Variants in TESMIN observed in about 807,000 individuals in gnomAD.
TESMIN encodes CXC domain containing 2.
TESMIN carries 34 observed loss-of-function variants against 47.4 expected under a neutral mutation model. That is an observed-to-expected ratio of 0.72 (90% CI 0.55 to 0.96). The LOEUF is 0.96. Ranked by LOEUF, TESMIN falls within the 40% of genes least tolerant of loss-of-function variation. The probability of loss-of-function intolerance (pLI) is 0.00; values close to 1 mark genes in which losing one functional copy is unlikely to be tolerated. For synonymous variants in TESMIN, 278 were observed against 258.9 expected, an observed-to-expected ratio of 1.07 and a Z score of -0.71; for missense variants, 610 against 637.2, an observed-to-expected ratio of 0.96 and a Z score of 0.46.
chr11:68,748,627 G>C (rs764234953), intron 2 of TESMIN, among the ~76,000 whole-genome samples: 1 of 152,210 alleles, frequency 6.6e-6, no homozygotes, highest in Non-Finnish European at 1.5e-5. Context: ...ATTAGCAACT[G>C]ATCCTGAATA....
At chr11:68,706,520 A>C (rs1945999756), downstream of TESMIN, among the ~76,000 whole-genome samples, 1 of 152,200 alleles carries the variant, frequency 6.6e-6, no homozygotes, top group Non-Finnish European at 1.5e-5. Flanking sequence ...TTGCCTCAGG[A>C]GAATGCTGGA....
downstream of TESMIN, among the ~76,000 whole-genome samples, chr11:68,704,868 G>A (rs549124082): frequency 2.0e-5 from 3 of 152,244 alleles, no homozygotes; most frequent in South Asian, 6.2e-4. Context: ...ATTTTTAGGA[G>A]GCTCAAACTT....
intron 6 of TESMIN, chr11:68,737,764 T>C (rs1946404318): frequency 1.2e-6 from 1 of 833,232 alleles, no homozygotes; most frequent in African/African-American, 1.8e-5. Flanking sequence ...AATACAAAAA[T>C]TAGCCTGGTA....
chr11:68,748,007 A>G (rs1426798148), intron 2 of TESMIN, among the ~76,000 whole-genome samples: 3 of 152,226 alleles, frequency 2.0e-5, no homozygotes, highest in African/African-American at 2.4e-5. Flanking sequence ...GAATGTGAGG[A>G]GGACTGGGAA....
chr11:68,732,539 C>T (rs984519918), intron 6 of TESMIN: 1 of 153,224 alleles, frequency 6.5e-6, no homozygotes, highest in Admixed American at 6.5e-5. Flanking sequence ...TGGATGCCAC[C>T]ACCTGGTCCT....
rs576986958 is a variant in TESMIN, at chr11:68,750,402, C to T, written c.259G>A (p.Asp87Asn). The T allele has an allele frequency of 1.3e-6, 2 of 1,519,648 alleles. No homozygotes were observed. The highest frequency in any genetic ancestry group is 5.0e-5 in the East Asian group (2 of 40,022). 94.1% of individuals were successfully genotyped at this position (1,519,648 alleles called of 1,614,324 possible). A position where few individuals can be genotyped will look rare whatever the true frequency, so the allele number is the denominator to read the frequency against. Residue 87 changes from aspartate to asparagine, a missense_variant, in exon 2 of 10, where the codon GAC (aspartate) becomes AAC (asparagine). By Grantham distance (23) the Asp-to-Asn change is conservative (BLOSUM62 1). Transcript: ENST00000255087. Reference protein sequence around the residue: ...GQVKAKLAGGDSDGGELLGEY... With the variant: ...GQVKAKLAGGNSDGGELLGEY... ...CCGAGGAGCTCCCCGCCGTCGCTGT[C>T]GCCCCCCGCGAGCTTCGCCTTGACC...
chr11:68,723,947 C>T lies in TESMIN; in HGVS notation c.918-8008G>A, dbSNP rs115847913. On this transcript the variant is annotated intron_variant, in intron 6 of 9. Transcript: ENST00000255087. ...AGTTTTTCAGACAAGTTTTTTCAAACGTTCAATGAACAAATAAATCCTACC... is the reference window on the plus strand; with the variant it reads ...AGTTTTTCAGACAAGTTTTTTCAAATGTTCAATGAACAAATAAATCCTACC... 4.3e-3 allele frequency among the ~76,000 whole-genome samples: 661 copies of T among 152,222 alleles called. 4 individuals are homozygous for T. The highest frequency in any genetic ancestry group is 0.015 in the African/African-American group (625 of 41,566).
chr11:68,745,316 A>G (rs938419222), intron 3 of TESMIN, among the ~76,000 whole-genome samples: 69 of 151,858 alleles, frequency 4.5e-4, no homozygotes, highest in Non-Finnish European at 2.6e-4. Context: ...AAAAAAAAAA[A>G]AAAAGAAAAA....
At chr11:68,728,867 T>C (rs1474892937) in intron 6 of TESMIN, among the ~76,000 whole-genome samples, 1 of 152,214 alleles carries the variant, frequency 6.6e-6, no homozygotes, top group Non-Finnish European at 1.5e-5. Context: ...ATATTTTAAG[T>C]CCACCGTGAA....
At chr11:68,739,952 T>C (rs561826936) in intron 5 of TESMIN, among the ~76,000 whole-genome samples, 1 of 152,364 alleles carries the variant, frequency 6.6e-6, no homozygotes, top group Admixed American at 6.5e-5. Context: ...ATTACTTTTT[T>C]TCCCCCTTTG....
intron 6 of TESMIN, chr11:68,737,393 A>G: frequency 2.0e-6 from 2 of 985,548 alleles, no homozygotes; most frequent in Non-Finnish European, 1.2e-6. Context: ...TTCAGCGACC[A>G]TGAGGGCTGA....
At position 68,713,204 on chromosome 11, in the gene TESMIN, C is replaced by T. The variant is rs563207311; in HGVS notation, c.1158+66G>A. Reference sequence around the variant, plus strand: ...TTAAATTACAGCAAAGTTTTTTTAACCACAAAAGTTACTCAACATATTTAC... The same window carrying T: ...TTAAATTACAGCAAAGTTTTTTTAATCACAAAAGTTACTCAACATATTTAC... On this transcript the variant is annotated intron_variant, in intron 8 of 9. Coordinates refer to ENST00000255087, the MANE Select transcript of TESMIN (RefSeq NM_004923.3). 46 of 1,478,384 alleles carry T rather than the reference C, an allele frequency of 3.1e-5. No individual in the cohort carries two copies. The South Asian group carries it at 6.1e-4, about 20-fold the overall frequency. The allele number at this position is 1,478,384 out of a possible 1,614,324, so 91.6% of individuals were successfully genotyped here. A position where few individuals can be genotyped will look rare whatever the true frequency, so the allele number is the denominator to read the frequency against.
In TESMIN at chr11:68,750,550, G is replaced by A. The variant is rs761617352; in HGVS notation, c.111C>T (p.Ala37=). The part of the protein sequence containing the change: ...PFASENIGLK[A]PVKYEEDEFH... ...ACTCGTCCTCCTCGTACTTCACGGGGGCCTTCAGGCCGATGTTCTCCGAAG... is the reference window on the plus strand; with the variant it reads ...ACTCGTCCTCCTCGTACTTCACGGGAGCCTTCAGGCCGATGTTCTCCGAAG... Residue 37 remains alanine, a synonymous_variant, in exon 2 of 10, where the codon GCC becomes GCT. Transcript: ENST00000255087. 2 of 1,607,034 alleles carry A rather than the reference G, an allele frequency of 1.2e-6. No homozygotes were observed. The highest frequency in any genetic ancestry group is 1.1e-5 in the South Asian group (1 of 89,566).
intron 8 of TESMIN, among the ~76,000 whole-genome samples, chr11:68,712,977 G>A (rs535879068): frequency 6.6e-6 from 1 of 152,222 alleles, no homozygotes; most frequent in South Asian, 2.1e-4. Context: ...GTGGATCAGT[G>A]GCCACAGAGG....
In TESMIN at chr11:68,750,331, C is replaced by A. The variant is rs1029761027; in HGVS notation, c.330G>T (p.Ala110=). 1.1e-5 allele frequency: 17 copies of A among 1,506,400 alleles called. No homozygotes were observed. Among genetic ancestry groups the A allele is most frequent in the Middle Eastern group, 1.8e-4 (1 of 5,640 alleles). 93.3% of individuals were successfully genotyped at this position (1,506,400 alleles called of 1,614,324 possible). Residue 110 remains alanine, a synonymous_variant, in exon 2 of 10, where the codon GCG becomes GCT. Coordinates refer to ENST00000255087, the MANE Select transcript of TESMIN (RefSeq NM_004923.3). ...IPELSALEDV[A]LLQAPQPPAC... is the part of the protein sequence containing the mutation. Reference sequence around the variant, plus strand: ...CGGGCGGCTGCGGGGCCTGCAGGAGCGCGACGTCCTCCAGCGCGCTGAGCT... The same window carrying A: ...CGGGCGGCTGCGGGGCCTGCAGGAGAGCGACGTCCTCCAGCGCGCTGAGCT...
At chr11:68,743,279 C>G (rs1018375552) in intron 4 of TESMIN, among the ~76,000 whole-genome samples, 4 of 147,812 alleles carry the variant, frequency 2.7e-5, no homozygotes, top group Admixed American at 1.4e-4. Context: ...CACTTTGTCA[C>G]CCAGGCTAGA....
At chr11:68,719,177 C>T (rs1308505097) in intron 6 of TESMIN, among the ~76,000 whole-genome samples, 2 of 152,196 alleles carry the variant, frequency 1.3e-5, no homozygotes, top group Non-Finnish European at 2.9e-5. Flanking sequence ...AAAGCCTTCA[C>T]GACAGGACTG....
chr11:68,739,791 C>G (rs545108637), intron 5 of TESMIN, among the ~76,000 whole-genome samples: 1 of 152,322 alleles, frequency 6.6e-6, no homozygotes, highest in East Asian at 1.9e-4. Context: ...GCTCACAAGG[C>G]CCTGAGACAG....
chr11:68,727,068 CAA>C (rs200624459), intron 6 of TESMIN, among the ~76,000 whole-genome samples: 16 of 124,426 alleles, frequency 1.3e-4, no homozygotes, highest in Non-Finnish European at 1.0e-4. Context: ...GATCCTGTCT[CAA>C]AAAAAAAAAA....
Sources: allele counts gnomAD v4.1 joint callset (sites outside exome capture counted in the v4.1 genomes callset), GRCh38; gene constraint gnomAD v4.1.1; transcripts MANE v1.5; gene names NCBI Gene and HGNC (gene_info 2026-07-23, HGNC 2026-07-21).